Variants in GRK6 observed in about 807,000 individuals in gnomAD.
GRK6 encodes the protein G protein-coupled receptor kinase 6.
Under a neutral mutation model 80.8 loss-of-function variants are expected in GRK6, and 37 were observed. That is an observed-to-expected ratio of 0.46 (90% confidence interval 0.35 to 0.60). The LOEUF (loss-of-function observed/expected upper bound fraction) is 0.60, where lower values mean the gene tolerates loss of function less well. Ranked by LOEUF, GRK6 falls within the 20% of genes least tolerant of loss-of-function variation. The pLI is 0.00. For missense variants in GRK6, 560 were observed against 784.6 expected (o/e 0.71, Z 3.42); for synonymous variants, 295 against 320.9 (o/e 0.92, Z 0.86).
intron 2 of GRK6, chr5:177,431,728 A>T (rs567983050): frequency 1.1e-4 from 58 of 527,900 alleles, no homozygotes; most frequent in African/African-American, 9.4e-4. Flanking sequence ...TCAGGAGACA[A>T]TGCAGGGAGG....
Position 177,436,512 on chromosome 5 carries a change from G to A in GRK6, c.1386G>A (p.Glu462=), listed in dbSNP as rs1468471347. The A allele has an allele frequency of 5.6e-6, 9 of 1,601,926 alleles. No homozygotes were observed. The highest frequency in any genetic ancestry group is 6.0e-6 in the Non-Finnish European group (7 of 1,174,214). ...AGCGGCTGGGAGCTGGCATGCTGGA[G>A]CCGCCGTTCAAGCCTGACGTGAGTG... ...NFKRLGAGML[E]PPFKPDPQAI... The change falls in exon 13 of 16, where the codon GAG becomes GAA. Residue 462 remains glutamate (E), a synonymous_variant. Transcript: ENST00000355472.
At chr5:177,439,771 T>C (rs1000688751) in intron 13 of GRK6, 1 of 152,298 alleles carries the variant, frequency 6.6e-6, no homozygotes, top group Non-Finnish European at 1.5e-5. Context: ...TGGCATCACA[T>C]AGTATGTGAT....
At chr5:177,435,821 G>C (rs994042715) in intron 11 of GRK6, among the ~76,000 whole-genome samples, 4 of 152,236 alleles carry the variant, frequency 2.6e-5, no homozygotes, top group Admixed American at 2.0e-4. Flanking sequence ...TAGTAAGCCA[G>C]ATGGTTTCAC....
upstream of GRK6, among the ~76,000 whole-genome samples, chr5:177,426,305 G>T (rs1326175393): frequency 6.6e-6 from 1 of 152,232 alleles, no homozygotes; most frequent in Non-Finnish European, 1.5e-5. Context: ...TCAAAATGCA[G>T]TACTTGAGAT....
Position 177,429,775 on chromosome 5 carries a change from C to A in GRK6, c.53-1097C>A, listed in dbSNP as rs1763811674. Among the ~76,000 whole-genome samples, 1 of 152,156 alleles carries A rather than the reference C, an allele frequency of 6.6e-6. No homozygotes were observed. Among genetic ancestry groups the A allele is most frequent in the Non-Finnish European group, 1.5e-5 (1 of 68,024 alleles). On this transcript the variant is annotated intron_variant, in intron 1 of 15. Transcript: ENST00000355472. This position sits in a 1 kb window ranked among gnomAD's most constrained non-coding sequence, Gnocchi z 4.3. ...AAGTGGTTGTCTAAGGTTGCCATGG[C>A]GTTGTTGGAGTTGGGGTTCACCTCT...
upstream of GRK6, chr5:177,426,655 G>T (rs1308205834): frequency 6.4e-6 from 1 of 156,052 alleles, no homozygotes; most frequent in African/African-American, 2.4e-5. Context: ...GCCAGCGCCG[G>T]GGTGGCCCCC....
At chr5:177,436,726 C>T (rs947045439) in intron 13 of GRK6, 196 bp downstream of exon 13, 1 of 589,928 alleles carries the variant, frequency 1.7e-6, no homozygotes, top group South Asian at 2.2e-5. Flanking sequence ...CTGGATGGGG[C>T]TTGGAGCCTC....
intron 1 of GRK6, 75 bp downstream of exon 1, chr5:177,426,972 A>C: frequency 9.6e-7 from 1 of 1,037,756 alleles, no homozygotes. Context: ...CCGCAGGGCT[A>C]CCCAGCCGTC....
At chr5:177,426,101 C>T (rs1435964258), upstream of GRK6, among the ~76,000 whole-genome samples, 1 of 152,232 alleles carries the variant, frequency 6.6e-6, no homozygotes, top group Non-Finnish European at 1.5e-5. Context: ...AGCCTCCTCC[C>T]TGTCTCTCCC....
intron 11 of GRK6, among the ~76,000 whole-genome samples, chr5:177,435,697 G>T (rs139337101): frequency 6.6e-6 from 1 of 152,260 alleles, no homozygotes; most frequent in Non-Finnish European, 1.5e-5. Context: ...CAGGTAGGAG[G>T]TATTCAGAAA....
rs1002762181 is a variant in GRK6 at position 177,435,042 on chromosome 5, C to T, written c.978C>T (p.Arg326=). The part of the protein sequence containing the change: ...NILLDDHGHI[R]ISDLGLAVHV... ...TCCACCCACACTCAGGCCACATCCG[C>T]ATCTCTGACCTGGGACTAGCTGTGC... The change falls in exon 11 of 16, where the codon CGC becomes CGT. Residue 326 remains arginine (R), a synonymous_variant. Coordinates refer to ENST00000355472, the MANE Select transcript of GRK6 (RefSeq NM_001004106.3). The T allele has an allele frequency of 5.1e-5, 82 of 1,612,820 alleles. No homozygotes were observed. Among genetic ancestry groups the T allele is most frequent in the Non-Finnish European group, 6.5e-5 (77 of 1,179,782 alleles).
chr5:177,436,356 C>G, intron 12 of GRK6, 37 bp from the exon 13 acceptor site: 1 of 1,607,104 alleles, frequency 6.2e-7, no homozygotes, highest in Non-Finnish European at 8.5e-7. Context: ...ACCCACTCAC[C>G]TGCCTGGCCT....
intron 1 of GRK6, among the ~76,000 whole-genome samples, chr5:177,427,723 G>A (rs1426819188): frequency 2.0e-5 from 3 of 152,140 alleles, no homozygotes; most frequent in Non-Finnish European, 4.4e-5. Flanking sequence ...CATGATCACT[G>A]ACCACCCACT....
intron 15 of GRK6, 26 bp downstream of exon 15, chr5:177,441,079 G>A (rs1354140747): frequency 6.2e-7 from 1 of 1,611,258 alleles, no homozygotes; most frequent in South Asian, 1.1e-5. Flanking sequence ...GGCCTACCTG[G>A]GCCCCTAACC....
chr5:177,435,991 C>A, intron 11 of GRK6, 82 bp from the exon 12 acceptor site: 1 of 1,204,774 alleles, frequency 8.3e-7, no homozygotes, highest in Non-Finnish European at 1.2e-6. Context: ...TATCCCAGAC[C>A]TAACGTGCAC....
upstream of GRK6, among the ~76,000 whole-genome samples, chr5:177,425,978 C>T (rs1763637565): frequency 6.6e-6 from 1 of 152,188 alleles, no homozygotes; most frequent in South Asian, 2.1e-4. Flanking sequence ...CGGCAGAGGC[C>T]GAGGGAAGGC....
Position 177,441,903 on chromosome 5 carries a change from C to A in GRK6, c.*113C>A. ...TCCACTCAAGTCGTGGCCTGGGGAA[C>A]ACAGACGGAGCTGTCCCCAGTGTCC... is the stretch of plus-strand genomic sequence containing the variant. On this transcript the variant is annotated 3_prime_UTR_variant, in exon 16 of 16. Transcript: ENST00000355472. The A allele has an allele frequency of 3.0e-6, 3 of 999,502 alleles. No individual in the cohort carries two copies. Among genetic ancestry groups the A allele is most frequent in the Non-Finnish European group, 4.6e-6 (3 of 647,540 alleles). The allele number at this position is 999,502 out of a possible 1,614,324, so 61.9% of individuals were successfully genotyped here.
chr5:177,429,819 T>C lies in GRK6; in HGVS notation c.53-1053T>C, dbSNP rs73347085. On this transcript the variant is annotated intron_variant, in intron 1 of 15. Coordinates refer to ENST00000355472, the MANE Select transcript of GRK6 (RefSeq NM_001004106.3). This position sits in a 1 kb window ranked among gnomAD's most constrained non-coding sequence, Gnocchi z 4.3. ...CACCTCTTGACTCAGCCCTACTTGA[T>C]GTGGACAGTGTCTCCCATTCACTAC... 2.6e-3 allele frequency among the ~76,000 whole-genome samples: 391 copies of C among 152,288 alleles called. 3 individuals carry two copies. Among genetic ancestry groups the C allele is most frequent in the African/African-American group, 7.8e-3 (324 of 41,548 alleles).
rs767052288 is a variant in GRK6 at position 177,441,772 on chromosome 5, G to A, written c.1713G>A (p.Glu571=). 1 of 1,612,468 alleles carries A rather than the reference G, an allele frequency of 6.2e-7. No homozygotes were observed. Among genetic ancestry groups the A allele is most frequent in the East Asian group, 2.2e-5 (1 of 44,876 alleles). The part of the protein sequence containing the change: ...CCGNCSDSEE[E]LPTRL ...GAAACTGCAGCGACAGCGAGGAAGA[G>A]CTCCCCACCCGCCTCTAGCCCCCAG... The change falls in exon 16 of 16, where the codon GAG becomes GAA. Residue 571 remains glutamate (E), a synonymous_variant. Coordinates refer to ENST00000355472, the MANE Select transcript of GRK6 (RefSeq NM_001004106.3).
Sources: allele counts gnomAD v4.1 joint callset (sites outside exome capture counted in the v4.1 genomes callset), GRCh38; gene constraint gnomAD v4.1.1; non-coding constraint Gnocchi (gnomAD v3.1); transcripts MANE v1.5; gene names NCBI Gene and HGNC (gene_info 2026-07-23, HGNC 2026-07-21).